The following TRIM37 variants were observed in gnomAD, a reference collection of about 807,000 sequenced individuals.
TRIM37 encodes tripartite motif containing 37.
Under a neutral mutation model 129.8 loss-of-function variants are expected in TRIM37, and 80 were observed. That is an observed-to-expected ratio of 0.62 (90% CI 0.51 to 0.74). TRIM37 has a LOEUF of 0.74. Ranked by LOEUF, TRIM37 falls within the 30% of genes least tolerant of loss-of-function variation. The pLI, the probability that TRIM37 is intolerant of heterozygous loss-of-function variation, is 0.00. For synonymous variants in TRIM37, 389 were observed against 387.1 expected (o/e 1.00, Z -0.06); for missense variants, 1,054 against 1,176.5 (o/e 0.90, Z 1.52).
At position 59,042,447 on chromosome 17, in the gene TRIM37, AAAATATATATATAT is replaced by A. The variant is rs1568066333; in HGVS notation, c.1668-563_1668-550del. Among the ~76,000 whole-genome samples the A allele has an allele frequency of 4.9e-3, 192 of 38,970 alleles. 1 individual carries two copies. The highest frequency in any genetic ancestry group is 9.9e-3 in the Admixed American group (25 of 2,516). 25.6% of individuals were successfully genotyped at this position (38,970 alleles called of 152,430 possible). On this transcript the variant is annotated intron_variant, in intron 16 of 23. Coordinates refer to ENST00000262294, the MANE Select transcript of TRIM37 (RefSeq NM_015294.6). ...AAAGGAATTTAAAAAAAAAAAAAAA[AAAATATATATATAT>A]ATATATATATATATCTCAAGGCCGG...
Position 59,012,324 on chromosome 17 carries a change from T to C in TRIM37, c.2695+4A>G. The C allele has an allele frequency of 6.4e-7, 1 of 1,568,912 alleles. No homozygotes were observed. The highest frequency in any genetic ancestry group is 8.7e-7 in the Non-Finnish European group (1 of 1,145,994). On this transcript the variant is annotated splice_donor_region_variant and intron_variant, in intron 22 of 23. Coordinates refer to ENST00000262294, the MANE Select transcript of TRIM37 (RefSeq NM_015294.6). Reference sequence around the variant, plus strand: ...TGCTTACTTATAAGTTTATCATTCCTTACCTTCTTCAGGGGCAGCTGAAGC... The same window carrying C: ...TGCTTACTTATAAGTTTATCATTCCCTACCTTCTTCAGGGGCAGCTGAAGC...
rs534858388 is a variant in TRIM37 at position 59,017,846 on chromosome 17, G to A, written c.2258-422C>T. Among the ~76,000 whole-genome samples the A allele has an allele frequency of 9.9e-5, 15 of 152,038 alleles. No individual in the cohort carries two copies. In the South Asian group the frequency reaches 2.3e-3, roughly 23 times the overall value. ...TGTCATGTTGGCCAGGCTGGGTCTCGAACACCTGAACTCAGGTGATCCACC... is the reference window on the plus strand; with the variant it reads ...TGTCATGTTGGCCAGGCTGGGTCTCAAACACCTGAACTCAGGTGATCCACC... On this transcript the variant is annotated intron_variant, in intron 19 of 23. Coordinates refer to ENST00000262294, the MANE Select transcript of TRIM37 (RefSeq NM_015294.6).
At chr17:59,085,538 G>A (rs1461506108) in intron 4 of TRIM37, among the ~76,000 whole-genome samples, 1 of 152,094 alleles carries the variant, frequency 6.6e-6, no homozygotes. Flanking sequence ...AAACAAAAAA[G>A]AGCAAGTGTT....
In TRIM37 at chr17:59,049,366, G is replaced by A; in HGVS notation, c.1342C>T (p.Gln448Ter). 6.2e-7 allele frequency: 1 copy of A among 1,613,988 alleles called. No homozygotes were observed. Among genetic ancestry groups the A allele is most frequent in the Non-Finnish European group, 8.5e-7 (1 of 1,180,002 alleles). Residue 448 changes from glutamine (Q) to a stop codon, truncating the protein, a stop_gained, in exon 15 of 24, where the codon CAG (glutamine) becomes TAG (stop). Coordinates refer to ENST00000262294, the MANE Select transcript of TRIM37 (RefSeq NM_015294.6). LOFTEE classifies it high-confidence loss of function. Reference sequence around the variant, plus strand: ...GGTGGTGACAAATCTCTTGACTTCTGAGTTCGAGACAGCTCAATAGTAAGT... The same window carrying A: ...GGTGGTGACAAATCTCTTGACTTCTAAGTTCGAGACAGCTCAATAGTAAGT... Reference protein sequence around the residue: ...ERLTIELSRTQKSRDLSPPDN... With the variant: ...ERLTIELSRT
chr17:58,967,453 G>A, the TRIM37 span, among the ~76,000 whole-genome samples: 1 of 151,202 alleles, frequency 6.6e-6, no homozygotes. Flanking sequence ...ACGAAAAGTA[G>A]GCTATAAAAT....
At chr17:59,042,969 G>A (rs1289759805) in intron 16 of TRIM37, among the ~76,000 whole-genome samples, 1 of 152,016 alleles carries the variant, frequency 6.6e-6, no homozygotes, top group Admixed American at 6.6e-5. Context: ...CAGAGAACTG[G>A]TAGCTTAATG....
intron 13 of TRIM37, among the ~76,000 whole-genome samples, chr17:59,054,241 GT>G (rs1237533619): frequency 1.3e-5 from 2 of 152,020 alleles, no homozygotes; most frequent in African/African-American, 4.8e-5. Context: ...AAATATTCAA[GT>G]TCTTATTTTG....
the TRIM37 span, chr17:58,972,814 T>C: frequency 1.0e-5 from 16 of 1,599,682 alleles, no homozygotes; most frequent in Non-Finnish European, 1.2e-5. Context: ...TGCTTCTTTT[T>C]ATTGCATTGC....
chr17:59,036,510 T>C (rs943513552), intron 17 of TRIM37, among the ~76,000 whole-genome samples: 2 of 150,292 alleles, frequency 1.3e-5, no homozygotes, highest in African/African-American at 4.9e-5. Context: ...AGAGACAGGG[T>C]CTTGCTCTGT....
chr17:59,088,220 C>T (rs780008880), intron 4 of TRIM37, 71 bp downstream of exon 4: 1 of 942,508 alleles, frequency 1.1e-6, no homozygotes, highest in East Asian at 2.4e-5. Context: ...AAGGCAACTA[C>T]CAATATAGTG....
chr17:59,074,522 A>C (rs529068961), intron 8 of TRIM37, among the ~76,000 whole-genome samples: 25 of 152,338 alleles, frequency 1.6e-4, no homozygotes, highest in South Asian at 1.2e-3. Context: ...ACAAAGATAA[A>C]ATAAAAATAT....
chr17:59,096,853 G>C (rs1370493111), intron 2 of TRIM37, among the ~76,000 whole-genome samples: 1 of 152,090 alleles, frequency 6.6e-6, no homozygotes, highest in Non-Finnish European at 1.5e-5. Flanking sequence ...ATATTTACTA[G>C]AGAAATTGTG....
intron 20 of TRIM37, 58 bp downstream of exon 20, chr17:59,017,238 A>G (rs1425856821): frequency 4.4e-6 from 7 of 1,594,964 alleles, no homozygotes; most frequent in Non-Finnish European, 6.0e-6. Context: ...GATAACATCA[A>G]TTTCAGGTAA....
intron 9 of TRIM37, among the ~76,000 whole-genome samples, chr17:59,064,861 A>C (rs910722635): frequency 6.6e-6 from 1 of 151,980 alleles, no homozygotes; most frequent in Admixed American, 6.5e-5. Flanking sequence ...CGGTGATTCG[A>C]GATTGCACTA....
chr17:59,019,198 T>C (rs2036288621), intron 19 of TRIM37, among the ~76,000 whole-genome samples: 2 of 152,200 alleles, frequency 1.3e-5, no homozygotes, highest in South Asian at 4.1e-4. Flanking sequence ...AACTTGTACA[T>C]GAACGTTCAT....
At chr17:59,086,822 T>A (rs1651216352) in intron 4 of TRIM37, among the ~76,000 whole-genome samples, 1 of 152,110 alleles carries the variant, frequency 6.6e-6, no homozygotes, top group African/African-American at 2.4e-5. Context: ...CCAGTAGGCA[T>A]CAAACAGCAA....
At chr17:59,012,914 A>C (rs1244806654) in intron 21 of TRIM37, among the ~76,000 whole-genome samples, 1 of 152,068 alleles carries the variant, frequency 6.6e-6, no homozygotes, top group Admixed American at 6.6e-5. Context: ...AATATTCACA[A>C]AAAAATGTTA....
At chr17:59,006,529 T>C (rs1484787145) in intron 22 of TRIM37, among the ~76,000 whole-genome samples, 2 of 152,178 alleles carry the variant, frequency 1.3e-5, no homozygotes, top group African/African-American at 2.4e-5. Flanking sequence ...GACCCTGATA[T>C]TGTTCAGGTA....
chr17:58,982,971 T>A, intron 24 of TRIM37: 1 of 1,513,348 alleles, frequency 6.6e-7, no homozygotes, highest in Non-Finnish European at 9.0e-7. Context: ...CACATTATAG[T>A]CCAAAGTGCT....
Sources: gnomAD v4.1 joint callset for allele counts (sites outside exome capture counted in the v4.1 genomes callset) on GRCh38, gnomAD v4.1.1 for gene constraint, MANE v1.5 for transcripts, NCBI Gene and HGNC (gene_info 2026-07-23, HGNC 2026-07-21) for gene names.